SPATS2L: variants seen among roughly 807,000 people sequenced by gnomAD.
SPATS2L encodes SPATS2-like protein.
In SPATS2L, 30 loss-of-function variants were observed where a neutral mutation model predicts 59.6. The observed-to-expected ratio is 0.50, with a 90% CI of 0.38 to 0.68. The LOEUF is 0.68. SPATS2L is among the 30% of genes least tolerant of loss of function. The pLI, the probability that SPATS2L is intolerant of heterozygous loss-of-function variation, is 0.00. For synonymous variants in SPATS2L, 252 were observed against 263.5 expected (o/e 0.96, Z 0.42); for missense variants, 615 against 700.0 (o/e 0.88, Z 1.37).
rs2080146973 is a variant in SPATS2L, at chr2:200,336,482, A to C, written c.-23+7002A>C. Among the ~76,000 whole-genome samples the C allele has an allele frequency of 2.0e-5, 3 of 152,222 alleles. No individual in the cohort carries two copies. The South Asian group carries it at 6.2e-4, about 31-fold the overall frequency. On this transcript the variant is annotated intron_variant, in intron 2 of 12. Coordinates refer to ENST00000409140, the MANE Select transcript of SPATS2L (RefSeq NM_001100423.2). ...CTGTCATGTATTTCAAAGGCTACTT[A>C]CTGCTCATAGTTAAAATGTGTGGAA...
At chr2:200,317,487 T>C (rs536121146) in intron 1 of SPATS2L, among the ~76,000 whole-genome samples, 2 of 152,300 alleles carry the variant, frequency 1.3e-5, no homozygotes, top group Admixed American at 6.5e-5. Context: ...ACCCTCCTTA[T>C]GTTGAATAAT....
At chr2:200,313,246 C>T (rs1475770550) in intron 1 of SPATS2L, among the ~76,000 whole-genome samples, 1 of 152,178 alleles carries the variant, frequency 6.6e-6, no homozygotes, top group African/African-American at 2.4e-5. Context: ...TATTTAGGAG[C>T]AGTTTGAAGG....
chr2:200,437,612 GAA>G (rs1404200088), intron 6 of SPATS2L, among the ~76,000 whole-genome samples: 1 of 152,208 alleles, frequency 6.6e-6, no homozygotes, highest in African/African-American at 2.4e-5. Flanking sequence ...ATTACTGGAG[GAA>G]ATGCTGTTTT....
chr2:200,425,761 G>A (rs958219760), intron 6 of SPATS2L, among the ~76,000 whole-genome samples: 39 of 152,134 alleles, frequency 2.6e-4, no homozygotes, highest in African/African-American at 8.4e-4. Flanking sequence ...GGGAGTTTAC[G>A]TTCTTTGGGG....
intron 7 of SPATS2L, among the ~76,000 whole-genome samples, chr2:200,439,589 ACAC>A (rs2084548291): frequency 6.6e-6 from 1 of 152,198 alleles, no homozygotes; most frequent in Non-Finnish European, 1.5e-5. Context: ...GGATAAACTT[ACAC>A]CACAAGTACC....
intron 2 of SPATS2L, among the ~76,000 whole-genome samples, chr2:200,348,765 G>A (rs1214013368): frequency 6.6e-6 from 1 of 152,054 alleles, no homozygotes; most frequent in East Asian, 1.9e-4. Context: ...TCCTAGCTCA[G>A]TGCTTCTGGC....
chr2:200,457,630 G>A (rs1008530738), intron 8 of SPATS2L, among the ~76,000 whole-genome samples: 3 of 152,216 alleles, frequency 2.0e-5, no homozygotes, highest in Admixed American at 6.5e-5. Flanking sequence ...TGTGTCATGG[G>A]GCTGGCTGAT....
At chr2:200,384,767 T>C (rs1300357923) in intron 2 of SPATS2L, among the ~76,000 whole-genome samples, 4 of 152,360 alleles carry the variant, frequency 2.6e-5, no homozygotes, top group African/African-American at 9.6e-5. Flanking sequence ...TTCCTTGATC[T>C]CTATTTTTCT....
In SPATS2L at chr2:200,412,338, A is replaced by T. The variant is rs774338995; in HGVS notation, c.67A>T (p.Asn23Tyr). The change falls in exon 4 of 13, where the codon AAC becomes TAC. Residue 23 changes from asparagine to tyrosine, a missense_variant. This residue lies in a region of SPATS2L where 227 missense variants were observed against 257.4 expected (regional missense o/e 0.88). Transcript: ENST00000409140. ...KIYAVRSVVP[N>Y]KSNNEIVLVL... ...CTATGCAGTTAGATCAGTTGTTCCC[A>T]ACAAAAGCAATAATGAAATAGTCCT... The T allele has an allele frequency of 8.1e-5, 130 of 1,603,568 alleles. No homozygotes were observed. The highest frequency in any genetic ancestry group is 1.1e-4 in the Non-Finnish European group (125 of 1,174,468).
chr2:200,440,720 A>G lies in SPATS2L; in HGVS notation c.724A>G (p.Ile242Val). The G allele has an allele frequency of 1.2e-6, 2 of 1,613,706 alleles. No individual in the cohort carries two copies. The highest frequency in any genetic ancestry group is 1.7e-6 in the Non-Finnish European group (2 of 1,179,690). Residue 242 changes from isoleucine (I) to valine (V), a missense_variant, in exon 8 of 13, where the codon ATT (isoleucine) becomes GTT (valine). Coordinates refer to ENST00000409140, the MANE Select transcript of SPATS2L (RefSeq NM_001100423.2). Reference protein sequence around the residue: ...TVSLTRYRVMIKEEVDSSVKK... With the variant: ...TVSLTRYRVMVKEEVDSSVKK... Reference sequence around the variant, plus strand: ...TTCTCTAACTAGATATCGCGTCATGATTAAGGAAGAAGTGGATAGTTCCGT... The same window carrying G: ...TTCTCTAACTAGATATCGCGTCATGGTTAAGGAAGAAGTGGATAGTTCCGT...
chr2:200,418,601 A>C lies in SPATS2L; in HGVS notation c.199-649A>C, dbSNP rs1241138514. 3.3e-5 allele frequency among the ~76,000 whole-genome samples: 5 copies of C among 151,408 alleles called. No individual in the cohort carries two copies. The South Asian group carries it at 1.0e-3, about 32-fold the overall frequency. ...TTAAATAATAAATAAATAAATAAAT[A>C]AATAAATAAATAAATAATCATGGGG... On this transcript the variant is annotated intron_variant, in intron 5 of 12. Transcript: ENST00000409140.
chr2:200,354,190 C>T (rs921055165), intron 2 of SPATS2L, among the ~76,000 whole-genome samples: 1 of 152,172 alleles, frequency 6.6e-6, no homozygotes, highest in Non-Finnish European at 1.5e-5. Context: ...AGTGAAGGCT[C>T]TCTGCTCTGA....
intron 2 of SPATS2L, among the ~76,000 whole-genome samples, chr2:200,348,493 G>A (rs1040784080): frequency 4.6e-5 from 7 of 152,166 alleles, no homozygotes; most frequent in South Asian, 2.1e-4. Context: ...TTAAAGCCAC[G>A]GGACACGTCA....
chr2:200,446,706 G>C (rs2085072170), intron 8 of SPATS2L, among the ~76,000 whole-genome samples: 1 of 152,102 alleles, frequency 6.6e-6, no homozygotes, highest in Admixed American at 6.5e-5. Context: ...GAAGGATGGA[G>C]ACTCTTCCCT....
At chr2:200,355,317 G>T (rs1185925521) in intron 2 of SPATS2L, among the ~76,000 whole-genome samples, 1 of 152,152 alleles carries the variant, frequency 6.6e-6, no homozygotes, top group African/African-American at 2.4e-5. Flanking sequence ...GACCTGGTGG[G>T]CTCCTCAGTA....
chr2:200,465,187 G>T lies in SPATS2L; in HGVS notation c.848-2103G>T, dbSNP rs537481014. Among the ~76,000 whole-genome samples, 4 of 152,302 alleles carry T rather than the reference G, an allele frequency of 2.6e-5. No homozygotes were observed. In the East Asian group the frequency reaches 7.7e-4, roughly 29 times the overall value. ...ACATTAATGTGCCAAATGGGGCAGG[G>T]GGAAACCATGGCACACTGGGCACCT... is the stretch of plus-strand genomic sequence containing the variant. On this transcript the variant is annotated intron_variant, in intron 9 of 12. Transcript: ENST00000409140.
At chr2:200,459,722 T>C in intron 8 of SPATS2L, 47 bp from the exon 9 acceptor site, 1 of 1,436,620 alleles carries the variant, frequency 7.0e-7, no homozygotes, top group Non-Finnish European at 9.7e-7. Flanking sequence ...AAGTTTATCT[T>C]TGATTAAGCA....
intron 1 of SPATS2L, among the ~76,000 whole-genome samples, chr2:200,326,894 C>T (rs1407022893): frequency 6.9e-6 from 1 of 145,354 alleles, no homozygotes; most frequent in Admixed American, 7.3e-5. Flanking sequence ...GCCACCATGC[C>T]CGGCTAATTT....
chr2:200,394,446 T>C (rs914732520), intron 3 of SPATS2L, among the ~76,000 whole-genome samples: 3 of 152,224 alleles, frequency 2.0e-5, no homozygotes, highest in Non-Finnish European at 4.4e-5. Flanking sequence ...GCAGCTGTTA[T>C]TCCACGGAGT....
Sources: gnomAD v4.1 joint callset for allele counts (sites outside exome capture counted in the v4.1 genomes callset) on GRCh38, gnomAD v4.1.1 for gene constraint, gnomAD v4.1.1 regional missense constraint, MANE v1.5 for transcripts, NCBI Gene and HGNC (gene_info 2026-07-23, HGNC 2026-07-21) for gene names.